The following ASPH variants were observed in gnomAD, a reference collection of about 807,000 sequenced individuals.
ASPH encodes the protein aspartyl/asparaginyl beta-hydroxylase.
ASPH carries 100 observed loss-of-function variants against 118.4 expected under a neutral mutation model. The ratio of observed to expected loss-of-function variants is 0.84; its 90% CI spans 0.72 to 1.00. The LOEUF (loss-of-function observed/expected upper bound fraction) is 1.00, where lower values mean the gene tolerates loss of function less well. ASPH is among the 50% of genes least tolerant of loss of function. The pLI is 0.00. For synonymous variants in ASPH, 315 were observed against 325.6 expected, an observed-to-expected ratio of 0.97 and a Z score of 0.35; for missense variants, 920 against 919.5, an observed-to-expected ratio of 1.00 and a Z score of -0.01.
chr8:61,684,107 GC>G lies in ASPH; in HGVS notation c.184del (p.Ala62HisfsTer9). The G allele has an allele frequency of 6.2e-7, 1 of 1,613,782 alleles. No individual in the cohort carries two copies. The highest frequency in any genetic ancestry group is 2.2e-5 in the East Asian group (1 of 44,864). On this transcript the variant is annotated frameshift_variant, in exon 2 of 25. Coordinates refer to ENST00000379454, the MANE Select transcript of ASPH (RefSeq NM_004318.4). LOFTEE classifies it high-confidence loss of function. The part of the protein sequence containing the change: ...TSFFTWFMVI[A>X]LLGVWTSVAV... ...TACAGATGTCCAGACGCCCAGCAATGCAATCACCATAAACCACGTGAAGAAT... is the reference window on the plus strand; with the variant it reads ...TACAGATGTCCAGACGCCCAGCAATGAATCACCATAAACCACGTGAAGAAT...
chr8:61,643,070 T>G, intron 9 of ASPH, 150 bp from the exon 10 acceptor site: 1 of 764,180 alleles, frequency 1.3e-6, no homozygotes. Flanking sequence ...TAAATGCCTC[T>G]GCCCAAAAGC....
chr8:61,533,291 T>C (rs1818280675), intron 21 of ASPH, among the ~76,000 whole-genome samples: 1 of 152,326 alleles, frequency 6.6e-6, no homozygotes, highest in East Asian at 1.9e-4. Context: ...ATCACACTTT[T>C]TAATTTCTGA....
chr8:61,582,793 C>T lies in ASPH; in HGVS notation c.1062+1151G>A, dbSNP rs548098063. Among the ~76,000 whole-genome samples, 2 of 152,142 alleles carry T rather than the reference C, an allele frequency of 1.3e-5. 1 individual carries two copies. The highest frequency in any genetic ancestry group is 2.9e-5 in the Non-Finnish European group (2 of 68,028). The stretch of plus-strand genomic sequence containing the variant: ...AAGCCCACTTGTTCCTTTATTATTG[C>T]AGCCAATGTCTACTGATTAAAAAGC... On this transcript the variant is annotated intron_variant, in intron 15 of 24. Transcript: ENST00000379454.
chr8:61,628,601 C>G (rs1854082592), intron 13 of ASPH, among the ~76,000 whole-genome samples: 1 of 152,096 alleles, frequency 6.6e-6, no homozygotes, highest in African/African-American at 2.4e-5. Context: ...TTCCTCTGCT[C>G]TCCTCCTGCC....
intron 1 of ASPH, 186 bp from the exon 2 acceptor site, chr8:61,684,374 G>T: frequency 3.2e-6 from 2 of 630,820 alleles, no homozygotes; most frequent in Admixed American, 6.5e-5. Flanking sequence ...TTGTTTAGAT[G>T]CAACACTAAC....
intron 14 of ASPH, among the ~76,000 whole-genome samples, chr8:61,588,337 G>T (rs543732857): frequency 9.2e-4 from 140 of 152,186 alleles, no homozygotes; most frequent in Non-Finnish European, 1.8e-3. Context: ...AAAATAAAAG[G>T]ATAGCTGAAG....
rs968418469 is a variant in ASPH, at chr8:61,677,844, C to T, written c.322+3124G>A. Among the ~76,000 whole-genome samples the T allele has an allele frequency of 1.2e-4, 19 of 152,142 alleles. 1 individual carries two copies. Among genetic ancestry groups the T allele is most frequent in the Admixed American group, 1.1e-3 (17 of 15,260 alleles). On this transcript the variant is annotated intron_variant, in intron 3 of 24. Transcript: ENST00000379454. ...ATATTATAAGTACTTCCAAGTATTA[C>T]ATATAAAACTTTTCCATCCTTCAGT... is the stretch of plus-strand genomic sequence containing the variant.
chr8:61,700,055 G>A (rs1834863555), intron 1 of ASPH, among the ~76,000 whole-genome samples: 1 of 152,228 alleles, frequency 6.6e-6, no homozygotes, highest in Non-Finnish European at 1.5e-5. Context: ...CAAAAGGGCT[G>A]ACTGACACAC....
chr8:61,578,781 G>T (rs1203330314), intron 15 of ASPH: 1 of 1,592,036 alleles, frequency 6.3e-7, no homozygotes, highest in East Asian at 2.2e-5. Flanking sequence ...TAAGCATACA[G>T]AGATGGAGAA....
At chr8:61,692,952 A>C (rs1385103911) in intron 1 of ASPH, among the ~76,000 whole-genome samples, 2 of 151,978 alleles carry the variant, frequency 1.3e-5, no homozygotes, top group Non-Finnish European at 2.9e-5. Flanking sequence ...AGAAGGAAAA[A>C]AAAAAAAGAA....
chr8:61,611,922 C>T (rs1018181481), intron 14 of ASPH, among the ~76,000 whole-genome samples: 3 of 151,798 alleles, frequency 2.0e-5, no homozygotes, highest in African/African-American at 7.3e-5. Flanking sequence ...CTCAGAAAGA[C>T]CAAAACAAAT....
chr8:61,599,784 A>G (rs1587901789), intron 14 of ASPH, among the ~76,000 whole-genome samples: 1 of 152,280 alleles, frequency 6.6e-6, no homozygotes. Flanking sequence ...ATCTCCCAAC[A>G]AAGAAAAGCC....
intron 13 of ASPH, among the ~76,000 whole-genome samples, chr8:61,623,308 G>A (rs1224247833): frequency 6.6e-6 from 1 of 152,190 alleles, no homozygotes; most frequent in South Asian, 2.1e-4. Context: ...CAAGGATGTT[G>A]AGCACCTTTT....
At chr8:61,585,235 A>G (rs1328944407) in intron 14 of ASPH, among the ~76,000 whole-genome samples, 2 of 152,214 alleles carry the variant, frequency 1.3e-5, no homozygotes, top group Non-Finnish European at 2.9e-5. Context: ...TGAGAGGGCC[A>G]GTCCTGCTGG....
At position 61,550,473 on chromosome 8, in the gene ASPH, G is replaced by C. The variant is rs1361406976; in HGVS notation, c.1627-2265C>G. On this transcript the variant is annotated intron_variant, in intron 20 of 24. Transcript: ENST00000379454. ...CACACACACACACACACACACATAA[G>C]AGAAAGAGAGAGAGAGAGAGAGAGA... is the stretch of plus-strand genomic sequence containing the variant. 2.4e-5 allele frequency among the ~76,000 whole-genome samples: 3 copies of C among 123,312 alleles called. No homozygotes were observed. The East Asian group carries it at 7.9e-4, about 32-fold the overall frequency. The allele number at this position is 123,312 out of a possible 152,430, so 80.9% of individuals were successfully genotyped here. A position where few individuals can be genotyped will look rare whatever the true frequency, so the allele number is the denominator to read the frequency against.
chr8:61,641,127 C>T (rs1420298852), intron 10 of ASPH, among the ~76,000 whole-genome samples: 1 of 152,144 alleles, frequency 6.6e-6, no homozygotes, highest in Non-Finnish European at 1.5e-5. Context: ...TCCAAAGTAG[C>T]TTACCAAATC....
At chr8:61,618,152 G>A (rs1849681340) in intron 14 of ASPH, among the ~76,000 whole-genome samples, 1 of 152,112 alleles carries the variant, frequency 6.6e-6, no homozygotes, top group Non-Finnish European at 1.5e-5. Context: ...CTTGTGGGCT[G>A]TGAAATTACA....
At chr8:61,508,631 G>A (rs945487084) in intron 24 of ASPH, among the ~76,000 whole-genome samples, 1 of 152,176 alleles carries the variant, frequency 6.6e-6, no homozygotes, top group Non-Finnish European at 1.5e-5. Flanking sequence ...CAAAGGACAT[G>A]ACTGTGATTT....
chr8:61,672,224 A>G (rs764150599), intron 3 of ASPH, among the ~76,000 whole-genome samples: 13 of 152,182 alleles, frequency 8.5e-5, no homozygotes, highest in Non-Finnish European at 1.3e-4. Flanking sequence ...AAATAGATGT[A>G]ATAATATAGT....
Sources: allele counts gnomAD v4.1 joint callset (sites outside exome capture counted in the v4.1 genomes callset), GRCh38; gene constraint gnomAD v4.1.1; transcripts MANE v1.5; gene names NCBI Gene and HGNC (gene_info 2026-07-23, HGNC 2026-07-21).